EDEM3: variants seen among roughly 807,000 people sequenced by gnomAD.
EDEM3 encodes the protein ER degradation-enhancing alpha-mannosidase-like protein 3.
Under a neutral mutation model 110.2 loss-of-function variants are expected in EDEM3, and 60 were observed. The ratio of observed to expected loss-of-function variants is 0.54; its 90% CI spans 0.44 to 0.67. The LOEUF (loss-of-function observed/expected upper bound fraction) is 0.67, where lower values mean the gene tolerates loss of function less well. Among genes scored for constraint, EDEM3 ranks in the 30% least tolerant of loss-of-function variants. The pLI, the probability that EDEM3 is intolerant of heterozygous loss-of-function variation, is 0.00. For missense variants in EDEM3, 996 were observed against 1,121.0 expected (o/e 0.89, Z 1.59); for synonymous variants, 352 against 382.9 (o/e 0.92, Z 0.94).
intron 2 of EDEM3, among the ~76,000 whole-genome samples, chr1:184,745,616 C>A (rs1164032319): frequency 2.0e-5 from 3 of 151,952 alleles, no homozygotes; most frequent in Non-Finnish European, 4.4e-5. Flanking sequence ...GGGAGAGGCA[C>A]TCCAAAAAAA....
intron 19 of EDEM3, among the ~76,000 whole-genome samples, chr1:184,698,710 A>C (rs1307922346): frequency 2.0e-5 from 3 of 151,806 alleles, no homozygotes; most frequent in African/African-American, 7.2e-5. Context: ...GATACCAATA[A>C]CTATTCTATG....
chr1:184,749,512 C>T (rs1199288690), intron 2 of EDEM3, 35 bp downstream of exon 2: 3 of 1,453,728 alleles, frequency 2.1e-6, no homozygotes, highest in Non-Finnish European at 2.8e-6. Context: ...AATCAACTCA[C>T]ATAAATGGTA....
At chr1:184,733,091 A>G in intron 5 of EDEM3, 101 bp from the exon 6 acceptor site, 13 of 1,274,990 alleles carry the variant, frequency 1.0e-5, no homozygotes, top group Non-Finnish European at 1.4e-5. Flanking sequence ...AACATATTTA[A>G]GGAAAGACAA....
At chr1:184,701,284 T>C (rs1473657443) in intron 19 of EDEM3, among the ~76,000 whole-genome samples, 2 of 152,100 alleles carry the variant, frequency 1.3e-5, no homozygotes, top group African/African-American at 4.8e-5. Flanking sequence ...GACATAGACA[T>C]AGAATTCATC....
chr1:184,745,065 T>C (rs1369114539), intron 2 of EDEM3, among the ~76,000 whole-genome samples: 1 of 152,122 alleles, frequency 6.6e-6, no homozygotes, highest in Non-Finnish European at 1.5e-5. Flanking sequence ...TAAACAACTG[T>C]ATACAATTGT....
At chr1:184,740,012 G>A (rs1652049093) in intron 2 of EDEM3, among the ~76,000 whole-genome samples, 1 of 152,068 alleles carries the variant, frequency 6.6e-6, no homozygotes, top group African/African-American at 2.4e-5. Context: ...TCTTTAAGTT[G>A]GGTGGTTGCT....
intron 1 of EDEM3, among the ~76,000 whole-genome samples, 170 bp downstream of exon 1, chr1:184,754,319 C>T (rs567681905): frequency 2.0e-5 from 3 of 152,310 alleles, no homozygotes; most frequent in Admixed American, 2.0e-4. Context: ...AGGTCGCGGG[C>T]GGCGGTTCCC....
rs1000126681 is a variant in EDEM3, at chr1:184,691,741, A to T, written c.*2322T>A. ...TGTAATTACAACGTTGGAGTTTTTT[A>T]GACGAACATTATCTCCTCTTTTCTT... On this transcript the variant is annotated 3_prime_UTR_variant, in exon 20 of 20. Coordinates refer to ENST00000318130, the MANE Select transcript of EDEM3 (RefSeq NM_025191.4). The T allele has an allele frequency of 2.1e-4, 32 of 152,248 alleles. No individual in the cohort carries two copies. The highest frequency in any genetic ancestry group is 1.6e-3 in the Admixed American group (24 of 15,282). The allele number at this position is 152,248 out of a possible 1,614,324, so 9.4% of individuals were successfully genotyped here.
In EDEM3 at chr1:184,733,231, C is replaced by T. The variant is rs113988499; in HGVS notation, c.459-241G>A. Among the ~76,000 whole-genome samples the T allele has an allele frequency of 6.2e-3, 947 of 152,136 alleles. 11 individuals are homozygous for T. The highest frequency in any genetic ancestry group is 0.027 in the Middle Eastern group (8 of 294). On this transcript the variant is annotated intron_variant, in intron 5 of 19. Coordinates refer to ENST00000318130, the MANE Select transcript of EDEM3 (RefSeq NM_025191.4). Reference sequence around the variant, plus strand: ...TGAAGTGTTCTGCGTTCTTAAATAGCTTTAATTTTCTTAAAGAAAATCCGA... The same window carrying T: ...TGAAGTGTTCTGCGTTCTTAAATAGTTTTAATTTTCTTAAAGAAAATCCGA...
At chr1:184,728,935 C>T (rs1196910058) in intron 6 of EDEM3, among the ~76,000 whole-genome samples, 1 of 152,080 alleles carries the variant, frequency 6.6e-6, no homozygotes, top group Non-Finnish European at 1.5e-5. Context: ...AAATGCAGAA[C>T]CAAGATGCAT....
chr1:184,744,988 T>C (rs530772603), intron 2 of EDEM3, among the ~76,000 whole-genome samples: 2 of 152,146 alleles, frequency 1.3e-5, no homozygotes, highest in Admixed American at 6.5e-5. Context: ...AGGAATTTAC[T>C]GCAAATAACT....
intron 1 of EDEM3, among the ~76,000 whole-genome samples, 166 bp downstream of exon 1, chr1:184,754,323 G>C (rs1652963743): frequency 6.6e-6 from 1 of 152,164 alleles, no homozygotes; most frequent in Admixed American, 6.5e-5. Flanking sequence ...CGCGGGCGGC[G>C]GTTCCCACCT....
chr1:184,753,201 A>AT (rs551510707), intron 1 of EDEM3, among the ~76,000 whole-genome samples: 22 of 148,270 alleles, frequency 1.5e-4, no homozygotes, highest in South Asian at 8.5e-4. Flanking sequence ...CTGAGCTCAG[A>AT]TTTTTTTTTT....
rs145305446 is a variant in EDEM3 at position 184,728,492 on chromosome 1, C to T, written c.613-2103G>A. Among the ~76,000 whole-genome samples the T allele has an allele frequency of 5.0e-3, 761 of 152,148 alleles. 13 individuals carry two copies. Among genetic ancestry groups the T allele is most frequent in the Admixed American group, 0.045 (687 of 15,298 alleles). ...AGATGTTTGTATATTGAACTGTACC[C>T]CAAGATGACTGCTATAAAATTTGTA... is the stretch of plus-strand genomic sequence containing the variant. On this transcript the variant is annotated intron_variant, in intron 6 of 19. Coordinates refer to ENST00000318130, the MANE Select transcript of EDEM3 (RefSeq NM_025191.4).
intron 1 of EDEM3, among the ~76,000 whole-genome samples, chr1:184,752,655 T>C (rs981525888): frequency 2.0e-5 from 3 of 152,226 alleles, no homozygotes; most frequent in African/African-American, 4.8e-5. Context: ...AATAAGTTTT[T>C]AATAAAAAAT....
intron 7 of EDEM3, among the ~76,000 whole-genome samples, chr1:184,726,019 T>A (rs1334033139): frequency 6.6e-6 from 1 of 152,146 alleles, no homozygotes; most frequent in African/African-American, 2.4e-5. Flanking sequence ...TTTCTAAGAC[T>A]AAACCTAAAC....
chr1:184,719,245 C>A lies in EDEM3; in HGVS notation c.1078G>T (p.Val360Leu). ...ALLAFFPGLQ[V>L]LKGDIRPAIE... ...GCAGGTCTAATATCCCCCTTTAACA[C>A]CTAGAAATCAACAACAATAAAATTA... The change falls in exon 11 of 20, where the codon GTG becomes TTG. Residue 360 changes from valine (V) to leucine (L), a missense_variant and splice_region_variant. Around this residue, in one of 5 missense-constraint regions of EDEM3, gnomAD observed 310 missense variants for 394.6 expected, o/e 0.79. Transcript: ENST00000318130. 1 of 1,557,944 alleles carries A rather than the reference C, an allele frequency of 6.4e-7. No homozygotes were observed. The highest frequency in any genetic ancestry group is 1.2e-5 in the South Asian group (1 of 82,704).
At chr1:184,694,893 T>C (rs941689629) in intron 19 of EDEM3, among the ~76,000 whole-genome samples, 3 of 152,102 alleles carry the variant, frequency 2.0e-5, no homozygotes, top group African/African-American at 4.8e-5. Flanking sequence ...ATCATTGCTA[T>C]ATTTTCAAAT....
In EDEM3 at chr1:184,734,613, C is replaced by T; in HGVS notation, c.376G>A (p.Ala126Thr). ...VLNKTKEFED[A>T]VRKVLRDVNL... is the part of the protein sequence containing the mutation. ...ACATCTCTTAAAACTTTTCTCACTG[C>T]ATCTTCAAATTCTTTAGTTTTATTT... Residue 126 changes from alanine (A) to threonine (T), a missense_variant, in exon 5 of 20, where the codon GCA becomes ACA. By Grantham distance (58) the Ala-to-Thr change is moderately conservative (BLOSUM62 0). This residue lies in a region of EDEM3 where 200 missense variants were observed against 183.8 expected (regional missense o/e 1.09). Transcript: ENST00000318130. The T allele has an allele frequency of 6.6e-7, 1 of 1,525,634 alleles. No homozygotes were observed. The highest frequency in any genetic ancestry group is 8.9e-7 in the Non-Finnish European group (1 of 1,125,100). The allele number at this position is 1,525,634 out of a possible 1,614,324, so 94.5% of individuals were successfully genotyped here. A position where few individuals can be genotyped will look rare whatever the true frequency, so the allele number is the denominator to read the frequency against.
Sources: allele counts gnomAD v4.1 joint callset (sites outside exome capture counted in the v4.1 genomes callset), GRCh38; gene constraint gnomAD v4.1.1; regional missense constraint gnomAD v4.1.1; transcripts MANE v1.5; gene names NCBI Gene and HGNC (gene_info 2026-07-23, HGNC 2026-07-21).